MACROD2: variants seen among roughly 807,000 people sequenced by gnomAD.
MACROD2 encodes the protein ADP-ribose glycohydrolase MACROD2.
A neutral mutation model predicts 70.4 loss-of-function variants in MACROD2; 36 were observed. The ratio of observed to expected loss-of-function variants is 0.51; its 90% CI spans 0.39 to 0.68. The LOEUF is 0.68. MACROD2 is among the 30% of genes least tolerant of loss of function. The pLI, the probability that MACROD2 is intolerant of heterozygous loss-of-function variation, is 0.00. For missense variants in MACROD2, 496 were observed against 538.4 expected, an observed-to-expected ratio of 0.92 and a Z score of 0.78; for synonymous variants, 172 against 178.8, an observed-to-expected ratio of 0.96 and a Z score of 0.30.
At chr20:15,074,853 G>A (rs2075646317) in intron 5 of MACROD2, among the ~76,000 whole-genome samples, 1 of 152,152 alleles carries the variant, frequency 6.6e-6, no homozygotes, top group Non-Finnish European at 1.5e-5. Context: ...TTTACTGACA[G>A]CAGGCATTCA....
At chr20:15,405,236 A>G (rs1370900427) in intron 6 of MACROD2, among the ~76,000 whole-genome samples, 2 of 144,556 alleles carry the variant, frequency 1.4e-5, no homozygotes, top group African/African-American at 2.5e-5. Context: ...TTTTGTGAAT[A>G]TACAAAAAAA....
At chr20:15,641,307 T>C (rs2049456579) in intron 8 of MACROD2, among the ~76,000 whole-genome samples, 1 of 152,216 alleles carries the variant, frequency 6.6e-6, no homozygotes, top group South Asian at 2.1e-4. Flanking sequence ...TGGTGCTGTT[T>C]TGAGGCAGAC....
rs11481332 is a variant in MACROD2, at chr20:16,038,532, G to GTT, written c.1154-2659_1154-2658dup. Among the ~76,000 whole-genome samples, 1,186 of 143,982 alleles carry GTT rather than the reference G, an allele frequency of 8.2e-3. 22 individuals are homozygous for GTT. Among genetic ancestry groups the GTT allele is most frequent in the African/African-American group, 0.027 (1,063 of 39,514 alleles). 94.5% of individuals were successfully genotyped at this position (143,982 alleles called of 152,430 possible). A position where few individuals can be genotyped will look rare whatever the true frequency, so the allele number is the denominator to read the frequency against. On this transcript the variant is annotated intron_variant, in intron 15 of 17. Coordinates refer to ENST00000684519, the MANE Select transcript of MACROD2 (RefSeq NM_001351661.2). ...TTAATTCTTAACTTGTTTTTGTGGG[G>GTT]TTTTTTTTTTTCGGTTCTAGAATTT...
At chr20:15,867,868 A>G (rs1367533309) in intron 9 of MACROD2, among the ~76,000 whole-genome samples, 1 of 152,164 alleles carries the variant, frequency 6.6e-6, no homozygotes, top group Admixed American at 6.5e-5. Flanking sequence ...AGGAAAAACC[A>G]ACCTTTGTTT....
At chr20:15,975,773 G>T (rs938943289) in intron 13 of MACROD2, among the ~76,000 whole-genome samples, 1 of 152,134 alleles carries the variant, frequency 6.6e-6, no homozygotes, top group South Asian at 2.1e-4. Context: ...CATTTTTAGC[G>T]TATCCATAAG....
At chr20:15,254,577 G>A (rs2077182530) in intron 6 of MACROD2, among the ~76,000 whole-genome samples, 1 of 152,148 alleles carries the variant, frequency 6.6e-6, no homozygotes, top group East Asian at 1.9e-4. Flanking sequence ...TTAAGAGTTA[G>A]GTAAGTTGAT....
intron 8 of MACROD2, among the ~76,000 whole-genome samples, chr20:15,614,041 C>T (rs532128669): frequency 3.5e-4 from 53 of 152,232 alleles, no homozygotes; most frequent in Non-Finnish European, 6.9e-4. Context: ...ATAACCCAGA[C>T]TCACAGGTGT....
chr20:15,508,715 T>C lies in MACROD2; in HGVS notation c.645+8868T>C, dbSNP rs142740920. Among the ~76,000 whole-genome samples, 950 of 152,252 alleles carry C rather than the reference T, an allele frequency of 6.2e-3. 12 individuals are homozygous for C. Among genetic ancestry groups the C allele is most frequent in the African/African-American group, 0.022 (900 of 41,516 alleles). On this transcript the variant is annotated intron_variant, in intron 8 of 17. Coordinates refer to ENST00000684519, the MANE Select transcript of MACROD2 (RefSeq NM_001351661.2). ...TAAAACCAAAATAGATTGATTAGGG[T>C]CTTTCCATGGGATTTCTTTGCCACC...
At chr20:14,268,333 G>A (rs1015135550) in intron 3 of MACROD2, among the ~76,000 whole-genome samples, 2 of 151,902 alleles carry the variant, frequency 1.3e-5, no homozygotes. Flanking sequence ...ATTTTCCATT[G>A]GATTTACTTG....
At chr20:15,472,016 A>G (rs1306160677) in intron 7 of MACROD2, among the ~76,000 whole-genome samples, 1 of 152,358 alleles carries the variant, frequency 6.6e-6, no homozygotes, top group East Asian at 1.9e-4. Flanking sequence ...CCTTGAATAA[A>G]GAGACTACAT....
At chr20:14,417,475 A>G (rs2083822016) in intron 3 of MACROD2, among the ~76,000 whole-genome samples, 1 of 152,226 alleles carries the variant, frequency 6.6e-6, no homozygotes, top group Admixed American at 6.5e-5. Context: ...GAGGGAGGCC[A>G]GAGGTTTCAC....
intron 8 of MACROD2, among the ~76,000 whole-genome samples, chr20:15,709,522 C>G (rs1487418573): frequency 2.0e-5 from 3 of 151,958 alleles, no homozygotes; most frequent in Non-Finnish European, 4.4e-5. Context: ...AATAAATTAG[C>G]TGGGCATGAT....
chr20:15,331,379 C>A (rs2077990508), intron 6 of MACROD2, among the ~76,000 whole-genome samples: 1 of 151,562 alleles, frequency 6.6e-6, no homozygotes, highest in Non-Finnish European at 1.5e-5. Flanking sequence ...GAACCACATG[C>A]CAACTAAAGT....
At chr20:15,620,486 T>C (rs1216768529) in intron 8 of MACROD2, among the ~76,000 whole-genome samples, 1 of 152,312 alleles carries the variant, frequency 6.6e-6, no homozygotes, top group African/African-American at 2.4e-5. Flanking sequence ...TGAATTGTAA[T>C]GGCTCCTACC....
intron 10 of MACROD2, among the ~76,000 whole-genome samples, chr20:15,912,521 G>C (rs1227956996): frequency 6.6e-6 from 1 of 152,208 alleles, no homozygotes. Context: ...GTTCTTAGGA[G>C]GCTGAACCCT....
chr20:14,948,201 T>G (rs2074448187), intron 5 of MACROD2, among the ~76,000 whole-genome samples: 1 of 152,136 alleles, frequency 6.6e-6, no homozygotes, highest in Non-Finnish European at 1.5e-5. Context: ...GAGAATCCTC[T>G]TCCCTGGATT....
At chr20:14,623,858 A>G (rs1305086999) in intron 4 of MACROD2, among the ~76,000 whole-genome samples, 3 of 152,180 alleles carry the variant, frequency 2.0e-5, no homozygotes, top group African/African-American at 7.2e-5. Context: ...CACAAACTCA[A>G]CCAGGCTTCA....
chr20:15,685,032 A>G (rs998938252), intron 8 of MACROD2, among the ~76,000 whole-genome samples: 7 of 152,188 alleles, frequency 4.6e-5, no homozygotes, highest in African/African-American at 1.7e-4. Context: ...TTATTTTTAA[A>G]ATAAATCATA....
chr20:15,317,692 C>A (rs2077828478), intron 6 of MACROD2, among the ~76,000 whole-genome samples: 1 of 151,740 alleles, frequency 6.6e-6, no homozygotes, highest in African/African-American at 2.4e-5. Context: ...ACCAGTGTTT[C>A]AGTTTGAGTC....
Sources: gnomAD v4.1 joint callset for allele counts (sites outside exome capture counted in the v4.1 genomes callset) on GRCh38, gnomAD v4.1.1 for gene constraint, MANE v1.5 for transcripts, NCBI Gene and HGNC (gene_info 2026-07-23, HGNC 2026-07-21) for gene names.